ALCAM: variants seen among roughly 807,000 people sequenced by gnomAD.
ALCAM encodes activated leukocyte cell adhesion molecule, also known as CD166 antigen.
ALCAM carries 30 observed loss-of-function variants against 70.9 expected under a neutral mutation model. That is an observed-to-expected ratio of 0.42 (90% CI 0.32 to 0.57). The LOEUF (loss-of-function observed/expected upper bound fraction) is 0.57, where lower values mean the gene tolerates loss of function less well. Ranked by LOEUF, ALCAM falls within the 20% of genes least tolerant of loss-of-function variation. ALCAM has a pLI of 0.11. For missense variants in ALCAM, 591 were observed against 695.1 expected (o/e 0.85, Z 1.68); for synonymous variants, 249 against 242.5 (o/e 1.03, Z -0.25).
chr3:105,406,322 A>T (rs1345598963), intron 1 of ALCAM, among the ~76,000 whole-genome samples: 1 of 152,146 alleles, frequency 6.6e-6, no homozygotes, highest in African/African-American at 2.4e-5. Context: ...TTAGTCCTAA[A>T]TGGGTCCTAT....
rs76830387 is a variant in ALCAM at position 105,534,501 on chromosome 3, C to G, written c.548-162C>G. On this transcript the variant is annotated intron_variant, in intron 5 of 15. Transcript: ENST00000306107. ...ATTCTATTTCTGTGTCTCTGATTCA[C>G]GGTTTTGAAACGACATCTAACCTCA... 5.9e-3 allele frequency among the ~76,000 whole-genome samples: 901 copies of G among 152,046 alleles called. 3 individuals are homozygous for G. Among genetic ancestry groups the G allele is most frequent in the South Asian group, 0.012 (59 of 4,814 alleles).
rs774312055 is a variant in ALCAM, at chr3:105,545,319, C to A, written c.1088C>A (p.Thr363Asn). 3.4e-5 allele frequency: 54 copies of A among 1,606,936 alleles called. No homozygotes were observed. The highest frequency in any genetic ancestry group is 4.4e-5 in the Non-Finnish European group (52 of 1,174,672). The change falls in exon 9 of 16, where the codon ACT becomes AAT. Residue 363 changes from threonine to asparagine, a missense_variant. Physicochemically the swap from Thr to Asn is moderately conservative, Grantham distance 65. Transcript: ENST00000306107. ...SCTISASRNATVVWMKDNIRL... is the reference protein window; with the variant it reads ...SCTISASRNANVVWMKDNIRL... The stretch of plus-strand genomic sequence containing the variant: ...ACAATATCTGCTAGCAGGAATGCAA[C>A]TGTGGTATGGATGAAAGTAAGTAAT...
chr3:105,489,574 G>A (rs1938527657), intron 1 of ALCAM, among the ~76,000 whole-genome samples: 1 of 152,094 alleles, frequency 6.6e-6, no homozygotes, highest in African/African-American at 2.4e-5. Context: ...ATAAATCAGT[G>A]GAGCATTCAA....
At chr3:105,462,139 T>G (rs962501151) in intron 1 of ALCAM, among the ~76,000 whole-genome samples, 1 of 151,670 alleles carries the variant, frequency 6.6e-6, no homozygotes, top group African/African-American at 2.4e-5. Flanking sequence ...TAATAAAAAT[T>G]TAGAAATGGG....
At chr3:105,393,209 A>T (rs1005240974) in intron 1 of ALCAM, among the ~76,000 whole-genome samples, 1 of 151,796 alleles carries the variant, frequency 6.6e-6, no homozygotes, top group Non-Finnish European at 1.5e-5. Flanking sequence ...TCTATGTTTA[A>T]GTTAAATCAC....
chr3:105,498,362 T>G (rs1938817986), intron 1 of ALCAM, among the ~76,000 whole-genome samples: 1 of 152,134 alleles, frequency 6.6e-6, no homozygotes, highest in Admixed American at 6.5e-5. Context: ...GTGGGAAGTT[T>G]TCTAAAAAGT....
At chr3:105,375,948 T>A (rs375205392) in intron 1 of ALCAM, among the ~76,000 whole-genome samples, 1 of 152,190 alleles carries the variant, frequency 6.6e-6, no homozygotes, top group East Asian at 1.9e-4. Flanking sequence ...AATTTTCACC[T>A]TCTAGATCCT....
intron 1 of ALCAM, among the ~76,000 whole-genome samples, chr3:105,416,519 C>T (rs764010120): frequency 6.6e-6 from 1 of 151,906 alleles, no homozygotes; most frequent in Admixed American, 6.6e-5. Context: ...GTTTATGGAT[C>T]ACAGTAATAG....
At chr3:105,502,857 T>C (rs1325677986) in intron 1 of ALCAM, among the ~76,000 whole-genome samples, 1 of 152,252 alleles carries the variant, frequency 6.6e-6, no homozygotes, top group East Asian at 1.9e-4. Flanking sequence ...CATGAGGTCC[T>C]TGATCTACTC....
chr3:105,531,101 G>A (rs576945885), intron 3 of ALCAM: 1 of 152,158 alleles, frequency 6.6e-6, no homozygotes, highest in Middle Eastern at 3.4e-3. Context: ...CAGTGACAAT[G>A]AGGCAATATA....
intron 1 of ALCAM, among the ~76,000 whole-genome samples, chr3:105,464,935 A>G (rs1937672504): frequency 6.6e-6 from 1 of 151,578 alleles, no homozygotes; most frequent in African/African-American, 2.4e-5. Context: ...ATCTCTTTCC[A>G]GTCAATCTCC....
intron 11 of ALCAM, among the ~76,000 whole-genome samples, chr3:105,548,943 C>G (rs1559652306): frequency 6.6e-6 from 1 of 151,262 alleles, no homozygotes; most frequent in East Asian, 1.9e-4. Flanking sequence ...ACATAGAAAA[C>G]AGAAACATAA....
intron 14 of ALCAM, among the ~76,000 whole-genome samples, chr3:105,568,903 C>T (rs1021642681): frequency 1.3e-5 from 2 of 151,526 alleles, no homozygotes; most frequent in Non-Finnish European, 1.5e-5. Flanking sequence ...CAGTGTTACT[C>T]AAAACAGAAC....
chr3:105,482,053 A>G (rs917527819), intron 1 of ALCAM, among the ~76,000 whole-genome samples: 2 of 152,180 alleles, frequency 1.3e-5, no homozygotes, highest in African/African-American at 4.8e-5. Context: ...CAAATGAACA[A>G]AAGAGCCAAG....
chr3:105,376,387 GT>G (rs1935379158), intron 1 of ALCAM, among the ~76,000 whole-genome samples: 1 of 152,200 alleles, frequency 6.6e-6, no homozygotes, highest in Admixed American at 6.5e-5. Context: ...GTTTTGACCT[GT>G]AAAGAACCTA....
Position 105,524,388 on chromosome 3 carries a change from C to G in ALCAM, c.274C>G (p.Leu92Val), listed in dbSNP as rs752485754. Reference sequence around the variant, plus strand: ...ACCAGAATACAAAGACAGATTGAACCTCTCAGAAAACTACACTTTGTCTAT... The same window carrying G: ...ACCAGAATACAAAGACAGATTGAACGTCTCAGAAAACTACACTTTGTCTAT... ...DVPEYKDRLNLSENYTLSISN... is the reference protein window; with the variant it reads ...DVPEYKDRLNVSENYTLSISN... The change falls in exon 3 of 16, where the codon CTC becomes GTC. Residue 92 changes from leucine to valine, a missense_variant. Physicochemically the swap from Leu to Val is conservative, Grantham distance 32 (BLOSUM62 1). Transcript: ENST00000306107. The G allele has an allele frequency of 6.2e-7, 1 of 1,614,094 alleles. No homozygotes were observed. The highest frequency in any genetic ancestry group is 8.5e-7 in the Non-Finnish European group (1 of 1,179,994).
Position 105,576,820 on chromosome 3 carries a change from G to T in ALCAM, c.*2369G>T, listed in dbSNP as rs1455121144. ...CAAGTTCAAGGTTCACTCCCTATAT[G>T]TGATTATAGGAATTGTTTGTGGAAA... On this transcript the variant is annotated 3_prime_UTR_variant, in exon 16 of 16. Coordinates refer to ENST00000306107, the MANE Select transcript of ALCAM (RefSeq NM_001627.4). 2 of 152,132 alleles carry T rather than the reference G, an allele frequency of 1.3e-5. No homozygotes were observed. Among genetic ancestry groups the T allele is most frequent in the African/African-American group, 4.8e-5 (2 of 41,440 alleles). The allele number at this position is 152,132 out of a possible 1,614,324, so 9.4% of individuals were successfully genotyped here. A position where few individuals can be genotyped will look rare whatever the true frequency, so the allele number is the denominator to read the frequency against.
Position 105,575,391 on chromosome 3 carries a change from A to C in ALCAM, c.*940A>C, listed in dbSNP as rs1364761260. The C allele has an allele frequency of 1.3e-5, 2 of 152,568 alleles. No individual in the cohort carries two copies. Among genetic ancestry groups the C allele is most frequent in the East Asian group, 1.9e-4 (1 of 5,184 alleles). 9.5% of individuals were successfully genotyped at this position (152,568 alleles called of 1,614,324 possible). A position where few individuals can be genotyped will look rare whatever the true frequency, so the allele number is the denominator to read the frequency against. ...CCTATTTCATGTTTAAAAAGATATC[A>C]ATCAGAATTGGAGTTTTTAACAGTG... On this transcript the variant is annotated 3_prime_UTR_variant, in exon 16 of 16. Transcript: ENST00000306107.
At chr3:105,525,491 G>C in intron 3 of ALCAM, 1 of 385,714 alleles carries the variant, frequency 2.6e-6, no homozygotes, top group Non-Finnish European at 3.6e-6. Flanking sequence ...TTTTTAATTA[G>C]GGAAGAAGGT....
Sources: gnomAD v4.1 joint callset for allele counts (sites outside exome capture counted in the v4.1 genomes callset) on GRCh38, gnomAD v4.1.1 for gene constraint, MANE v1.5 for transcripts, NCBI Gene and HGNC (gene_info 2026-07-23, HGNC 2026-07-21) for gene names.